The following NFE2L2 variants were observed in gnomAD, a reference collection of about 807,000 sequenced individuals.
NFE2L2 encodes the protein NFE2 like bZIP transcription factor 2, also known as nuclear factor erythroid 2-related factor 2.
NFE2L2 carries 20 observed loss-of-function variants against 49.6 expected under a neutral mutation model. The ratio of observed to expected loss-of-function variants is 0.40; its 90% CI spans 0.28 to 0.59. The LOEUF is 0.59. Ranked by LOEUF, NFE2L2 falls within the 20% of genes least tolerant of loss-of-function variation. The pLI is 0.40. For synonymous variants in NFE2L2, 244 were observed against 256.5 expected, an observed-to-expected ratio of 0.95 and a Z score of 0.47; for missense variants, 578 against 714.2, an observed-to-expected ratio of 0.81 and a Z score of 2.17.
intron 1 of NFE2L2, among the ~76,000 whole-genome samples, chr2:177,235,869 G>A (rs1168726656): frequency 6.6e-6 from 1 of 152,184 alleles, no homozygotes; most frequent in Non-Finnish European, 1.5e-5. Context: ...GACTAGGCTA[G>A]GCATAGGAAC....
intron 1 of NFE2L2, among the ~76,000 whole-genome samples, chr2:177,254,365 C>T (rs1690444226): frequency 1.3e-5 from 2 of 152,208 alleles, no homozygotes; most frequent in Admixed American, 6.5e-5. Context: ...TATAAACAAG[C>T]TGCCACCTGG....
intron 1 of NFE2L2, among the ~76,000 whole-genome samples, chr2:177,254,014 CCTAT>C (rs1054047768): frequency 1.5e-4 from 23 of 152,150 alleles, no homozygotes; most frequent in African/African-American, 5.3e-4. Flanking sequence ...CCTTTACTCT[CCTAT>C]CTCAGTATTC....
chr2:177,244,983 A>G (rs1690072615), intron 1 of NFE2L2, among the ~76,000 whole-genome samples: 2 of 132,164 alleles, frequency 1.5e-5, no homozygotes, highest in Admixed American at 1.7e-4. Context: ...AGCCAGAAGG[A>G]CAGAGTGAGA....
chr2:177,263,616 C>T (rs928031263), intron 1 of NFE2L2: 1 of 985,412 alleles, frequency 1.0e-6, no homozygotes, highest in Non-Finnish European at 1.2e-6. Context: ...CAACCGAGCG[C>T]TGTCACGGAA....
intron 1 of NFE2L2, among the ~76,000 whole-genome samples, chr2:177,254,826 G>C (rs999704055): frequency 1.3e-5 from 2 of 152,214 alleles, no homozygotes; most frequent in Non-Finnish European, 1.5e-5. Context: ...TCTGCTACCT[G>C]CAAGCAGTGT....
intron 1 of NFE2L2, among the ~76,000 whole-genome samples, chr2:177,244,522 TGGAGGA>T (rs1190634722): frequency 6.6e-6 from 1 of 152,158 alleles, no homozygotes; most frequent in African/African-American, 2.4e-5. Context: ...CCAGGCAGCA[TGGAGGA>T]GGTGCCACTA....
intron 1 of NFE2L2, among the ~76,000 whole-genome samples, chr2:177,238,410 C>G (rs182296139): frequency 5.9e-5 from 9 of 152,084 alleles, no homozygotes; most frequent in African/African-American, 2.2e-4. Context: ...AATTTCCTTT[C>G]CCCCCCTTTT....
At chr2:177,233,108 A>C (rs757308918) in intron 3 of NFE2L2, 142 bp downstream of exon 3, 32 of 687,986 alleles carry the variant, frequency 4.7e-5, no homozygotes, top group Non-Finnish European at 6.7e-5. Flanking sequence ...TGACAAGAGT[A>C]TTTCCTTGGT....
chr2:177,250,928 C>T (rs1690316080), intron 1 of NFE2L2, among the ~76,000 whole-genome samples: 1 of 152,184 alleles, frequency 6.6e-6, no homozygotes, highest in African/African-American at 2.4e-5. Flanking sequence ...GATGTAAATG[C>T]CCCTTAAAAA....
chr2:177,237,373 A>G (rs1689785652), intron 1 of NFE2L2, among the ~76,000 whole-genome samples: 1 of 152,226 alleles, frequency 6.6e-6, no homozygotes, highest in South Asian at 2.1e-4. Context: ...TCGACTATAC[A>G]TGGCTATCTT....
chr2:177,247,703 GAAAA>G (rs1195598271), intron 1 of NFE2L2, among the ~76,000 whole-genome samples: 1 of 141,362 alleles, frequency 7.1e-6, no homozygotes, highest in Non-Finnish European at 1.6e-5. Context: ...AAAAAAAAAA[GAAAA>G]AAGAATAAAC....
chr2:177,241,839 CAAAACAAAAGCA>C (rs1412442531), intron 1 of NFE2L2, among the ~76,000 whole-genome samples: 3 of 152,052 alleles, frequency 2.0e-5, no homozygotes, highest in African/African-American at 7.3e-5. Context: ...TGTCTTAAAA[CAAAACAAAAGCA>C]AAAACAAAAC....
At chr2:177,243,330 G>A (rs1458875126) in intron 1 of NFE2L2, among the ~76,000 whole-genome samples, 1 of 152,154 alleles carries the variant, frequency 6.6e-6, no homozygotes, top group African/African-American at 2.4e-5. Context: ...GCCCATGCTG[G>A]TGTACCCTCA....
intron 1 of NFE2L2, among the ~76,000 whole-genome samples, chr2:177,234,826 T>G (rs1484882979): frequency 6.6e-6 from 1 of 152,172 alleles, no homozygotes; most frequent in Admixed American, 6.5e-5. Flanking sequence ...CACTGCTTGC[T>G]ACTCTTATCT....
In NFE2L2 at chr2:177,261,509, CA is replaced by C. The variant is rs776147498; in HGVS notation, c.45+3022del. The stretch of plus-strand genomic sequence containing the variant: ...TCTGGAAGTGGTGATTAGAAGCCCC[CA>C]GGAGTCAAACCTGTTTGAATGCTAC... On this transcript the variant is annotated intron_variant, in intron 1 of 4. Coordinates refer to ENST00000397062, the MANE Select transcript of NFE2L2 (RefSeq NM_006164.5). Among the ~76,000 whole-genome samples the C allele has an allele frequency of 1.3e-4, 20 of 152,278 alleles. No homozygotes were observed. In the East Asian group the frequency reaches 2.9e-3, roughly 22 times the overall value.
intron 4 of NFE2L2, 31 bp downstream of exon 4, chr2:177,232,361 A>T (rs1461872614): frequency 6.4e-7 from 1 of 1,574,468 alleles, no homozygotes; most frequent in South Asian, 1.1e-5. Context: ...ATATAAAAAA[A>T]ATCTCCAGTA....
chr2:177,236,832 GGTTT>G (rs1416781689), intron 1 of NFE2L2, among the ~76,000 whole-genome samples: 1 of 151,734 alleles, frequency 6.6e-6, no homozygotes, highest in Non-Finnish European at 1.5e-5. Flanking sequence ...TATTTTTTCG[GGTTT>G]TTTTTCCACT....
rs770882525 is a variant in NFE2L2, at chr2:177,231,805, C to G, written c.798G>C (p.Leu266Phe). The G allele has an allele frequency of 5.4e-5, 87 of 1,614,066 alleles. No homozygotes were observed. The highest frequency in any genetic ancestry group is 7.0e-5 in the Non-Finnish European group (83 of 1,180,030). Residue 266 changes from leucine to phenylalanine, a missense_variant, in exon 5 of 5, where the codon TTG becomes TTC. Transcript: ENST00000397062. ...CATCTGAATTTAATGAGTTCACTGT[C>G]AACTGGTTGGGGTCTTCTGTGGAGA... Reference protein sequence around the residue: ...SILSTEDPNQLTVNSLNSDAT... With the variant: ...SILSTEDPNQFTVNSLNSDAT...
At chr2:177,251,427 G>A (rs1690333674) in intron 1 of NFE2L2, among the ~76,000 whole-genome samples, 1 of 152,204 alleles carries the variant, frequency 6.6e-6, no homozygotes, top group Admixed American at 6.5e-5. Flanking sequence ...GCTGCCACAA[G>A]TGAAGGGCTG....
Sources: gnomAD v4.1 joint callset for allele counts (sites outside exome capture counted in the v4.1 genomes callset) on GRCh38, gnomAD v4.1.1 for gene constraint, MANE v1.5 for transcripts, NCBI Gene and HGNC (gene_info 2026-07-23, HGNC 2026-07-21) for gene names.